The following EPHB2 variants were observed in gnomAD, a reference collection of about 807,000 sequenced individuals.
EPHB2 encodes the protein EPH receptor B2.
EPHB2 carries 18 observed loss-of-function variants against 96.4 expected under a neutral mutation model. That is an observed-to-expected ratio of 0.19 (90% CI 0.13 to 0.28). The LOEUF is 0.28. Among genes scored for constraint, EPHB2 ranks in the 10% least tolerant of loss-of-function variants. The pLI, the probability that EPHB2 is intolerant of heterozygous loss-of-function variation, is 1.00. For missense variants in EPHB2, 989 were observed against 1,355.4 expected (o/e 0.73, Z 4.25); for synonymous variants, 506 against 534.1 (o/e 0.95, Z 0.72).
chr1:22,753,820 G>A (rs553532933), intron 1 of EPHB2, among the ~76,000 whole-genome samples: 1 of 152,248 alleles, frequency 6.6e-6, no homozygotes, highest in African/African-American at 2.4e-5. Context: ...AACCCTTGCT[G>A]GACCCATTTA....
chr1:22,748,578 C>T (rs1422425838), intron 1 of EPHB2, among the ~76,000 whole-genome samples: 1 of 151,518 alleles, frequency 6.6e-6, no homozygotes, highest in Non-Finnish European at 1.5e-5. Flanking sequence ...GACAGGGTTT[C>T]ACCATGTTGG....
chr1:22,763,012 A>T (rs1215438441), intron 1 of EPHB2, among the ~76,000 whole-genome samples: 1 of 152,104 alleles, frequency 6.6e-6, no homozygotes, highest in Non-Finnish European at 1.5e-5. Flanking sequence ...AGGGGGCACG[A>T]TTCCTACCTC....
intron 1 of EPHB2, among the ~76,000 whole-genome samples, chr1:22,764,228 C>T (rs915647932): frequency 1.6e-4 from 24 of 152,194 alleles, no homozygotes; most frequent in African/African-American, 5.3e-4. Context: ...ATCATAACAT[C>T]CGCTTATTGA....
In EPHB2 at chr1:22,712,750, C is replaced by T. The variant is rs1249082799; in HGVS notation, c.61+1707C>T. On this transcript the variant is annotated intron_variant, in intron 1 of 15. Coordinates refer to ENST00000374630, the MANE Select transcript of EPHB2 (RefSeq NM_017449.5). ...GGCAGCCCTGGGGCCTGGCTGCTGG[C>T]GGGAGCTCTGTGGAATATGGCTGAG... 2.6e-5 allele frequency among the ~76,000 whole-genome samples: 4 copies of T among 152,250 alleles called. No homozygotes were observed. In the South Asian group the frequency reaches 6.2e-4, roughly 24 times the overall value.
At chr1:22,717,852 G>C (rs1421453503) in intron 1 of EPHB2, among the ~76,000 whole-genome samples, 1 of 152,144 alleles carries the variant, frequency 6.6e-6, no homozygotes, top group Non-Finnish European at 1.5e-5. Flanking sequence ...TGTGGAGTCA[G>C]ACTGCTCCGT....
chr1:22,784,982 C>T lies in EPHB2; in HGVS notation c.717C>T (p.Leu239=), dbSNP rs1332844374. 1.2e-6 allele frequency: 2 copies of T among 1,614,058 alleles called. No homozygotes were observed. The highest frequency in any genetic ancestry group is 2.2e-5 in the East Asian group (1 of 44,888). The change falls in exon 3 of 16, where the codon CTC becomes CTT. Residue 239 remains leucine (L), a synonymous_variant. Coordinates refer to ENST00000374630, the MANE Select transcript of EPHB2 (RefSeq NM_017449.5). This position sits in a 1 kb window ranked among gnomAD's most constrained non-coding sequence, Gnocchi z 5.1. ...NAEEVDVPIK[L]YCNGDGEWLV... ...AAGAGGTGGATGTACCCATCAAGCT[C>T]TACTGTAACGGGGACGGCGAGTGGC...
intron 3 of EPHB2, among the ~76,000 whole-genome samples, chr1:22,794,316 A>C (rs1644737490): frequency 6.6e-6 from 1 of 152,106 alleles, no homozygotes; most frequent in African/African-American, 2.4e-5. Context: ...TTTCCTATCA[A>C]GCGATGCAAG....
chr1:22,871,960 G>A (rs1184150900), intron 5 of EPHB2, among the ~76,000 whole-genome samples: 1 of 151,472 alleles, frequency 6.6e-6, no homozygotes, highest in African/African-American at 2.4e-5. Flanking sequence ...AGGTTGCAGT[G>A]AGCAGAGATC....
At chr1:22,735,178 A>T (rs1643799586) in intron 1 of EPHB2, among the ~76,000 whole-genome samples, 1 of 152,034 alleles carries the variant, frequency 6.6e-6, no homozygotes, top group Admixed American at 6.6e-5. Flanking sequence ...ATCCCAGCAC[A>T]CTTTGGGAGG....
chr1:22,822,768 G>C (rs1365839996), intron 3 of EPHB2, among the ~76,000 whole-genome samples: 1 of 152,216 alleles, frequency 6.6e-6, no homozygotes, highest in African/African-American at 2.4e-5. Context: ...GTGCTGCTAT[G>C]GCCTGCCGTC....
intron 1 of EPHB2, among the ~76,000 whole-genome samples, chr1:22,756,046 C>A (rs1644144512): frequency 6.6e-6 from 1 of 152,012 alleles, no homozygotes; most frequent in Admixed American, 6.5e-5. Context: ...ACTACATGGA[C>A]TCAGGACAAG....
At chr1:22,792,578 C>T (rs1396684841) in intron 3 of EPHB2, among the ~76,000 whole-genome samples, 1 of 152,144 alleles carries the variant, frequency 6.6e-6, no homozygotes. Flanking sequence ...TTGGTCCATC[C>T]ATCCATCCAT....
intron 3 of EPHB2, among the ~76,000 whole-genome samples, chr1:22,794,566 G>A (rs887231549): frequency 6.6e-6 from 1 of 152,190 alleles, no homozygotes; most frequent in Non-Finnish European, 1.5e-5. Context: ...GGCAGGGACA[G>A]GTCTATGCCT....
At chr1:22,819,205 G>GTCTCTCTCTCTCTCTCTCTCTCTCTC (rs71020453) in intron 3 of EPHB2, among the ~76,000 whole-genome samples, 3 of 103,394 alleles carry the variant, frequency 2.9e-5, no homozygotes, top group African/African-American at 7.3e-5. Flanking sequence ...CCCAGCAGAT[G>GTCTCTCTCTCTCTCTCTCTCTCTCTC]TCTCTCTCTC....
intron 3 of EPHB2, among the ~76,000 whole-genome samples, chr1:22,820,344 A>G (rs537936911): frequency 2.6e-5 from 4 of 152,324 alleles, no homozygotes; most frequent in African/African-American, 9.6e-5. Flanking sequence ...GCTGATGAGA[A>G]TAATAATAAT....
chr1:22,766,036 C>T (rs548598038), intron 1 of EPHB2, among the ~76,000 whole-genome samples: 75 of 152,308 alleles, frequency 4.9e-4, no homozygotes, highest in Non-Finnish European at 9.1e-4. Flanking sequence ...CCCGCCTCCC[C>T]GGAGAGCTCA....
chr1:22,857,460 G>A (rs1645717931), intron 3 of EPHB2, among the ~76,000 whole-genome samples: 2 of 152,112 alleles, frequency 1.3e-5, no homozygotes, highest in African/African-American at 2.4e-5. Flanking sequence ...ACCAGCATAT[G>A]TGGCCCGATG....
At chr1:22,780,127 AAG>A (rs1557669052) in intron 1 of EPHB2, among the ~76,000 whole-genome samples, 1 of 152,220 alleles carries the variant, frequency 6.6e-6, no homozygotes, top group African/African-American at 2.4e-5. Context: ...GAACGCTTGA[AAG>A]GGGTCCATTT....
At chr1:22,863,292 G>A (rs1344913249) in intron 4 of EPHB2, 100 bp downstream of exon 4, 2 of 1,572,800 alleles carry the variant, frequency 1.3e-6, no homozygotes, top group African/African-American at 2.7e-5. Flanking sequence ...GTTACAGCCA[G>A]TCTTTCCCTG....
Sources: allele counts gnomAD v4.1 joint callset (sites outside exome capture counted in the v4.1 genomes callset), GRCh38; gene constraint gnomAD v4.1.1; non-coding constraint Gnocchi (gnomAD v3.1); transcripts MANE v1.5; gene names NCBI Gene and HGNC (gene_info 2026-07-23, HGNC 2026-07-21).